The following USP15 variants were observed in gnomAD, a reference collection of about 807,000 sequenced individuals.
The protein encoded by USP15 is ubiquitin specific peptidase 15, also known as ubiquitin carboxyl-terminal hydrolase 15.
A neutral mutation model predicts 127.1 loss-of-function variants in USP15; 18 were observed. The ratio of observed to expected loss-of-function variants is 0.14; its 90% CI spans 0.10 to 0.21. The LOEUF (loss-of-function observed/expected upper bound fraction) is 0.21. Ranked by LOEUF, USP15 falls within the 10% of genes least tolerant of loss-of-function variation. USP15 has a pLI of 1.00. For synonymous variants in USP15, 364 were observed against 393.7 expected (o/e 0.92, Z 0.89); for missense variants, 805 against 1,159.9 (o/e 0.69, Z 4.44).
intron 8 of USP15, among the ~76,000 whole-genome samples, chr12:62,371,403 G>A (rs1265530777): frequency 1.3e-5 from 2 of 152,094 alleles, no homozygotes; most frequent in Non-Finnish European, 2.9e-5. Context: ...TGTTAGTATA[G>A]TACCAGATAA....
chr12:62,329,302 C>T (rs1375162799), intron 6 of USP15, among the ~76,000 whole-genome samples: 3 of 152,106 alleles, frequency 2.0e-5, no homozygotes, highest in Non-Finnish European at 4.4e-5. Context: ...ACCCAGGAGG[C>T]GGAGGTTTCC....
intron 3 of USP15, among the ~76,000 whole-genome samples, chr12:62,309,187 ATTGT>A (rs1313992932): frequency 6.6e-6 from 1 of 152,122 alleles, no homozygotes; most frequent in African/African-American, 2.4e-5. Flanking sequence ...TCCTGGCAGG[ATTGT>A]TTAAGAATAA....
At chr12:62,327,979 A>C (rs1444648615) in intron 6 of USP15, among the ~76,000 whole-genome samples, 1 of 152,204 alleles carries the variant, frequency 6.6e-6, no homozygotes, top group South Asian at 2.1e-4. Flanking sequence ...ATCTGCACCT[A>C]TGTATGAAAA....
chr12:62,345,138 C>A (rs1330139316), intron 6 of USP15, among the ~76,000 whole-genome samples: 2 of 152,172 alleles, frequency 1.3e-5, no homozygotes, highest in African/African-American at 4.8e-5. Flanking sequence ...GCTGCAAATT[C>A]TCCAACCTTT....
At chr12:62,370,822 TACATGTAACTTAAA>T (rs2066640177) in intron 8 of USP15, among the ~76,000 whole-genome samples, 1 of 152,202 alleles carries the variant, frequency 6.6e-6, no homozygotes, top group Non-Finnish European at 1.5e-5. Flanking sequence ...CAAGTTAAAC[TACATGTAACTTAAA>T]CTCAAGATGC....
intron 6 of USP15, among the ~76,000 whole-genome samples, chr12:62,331,633 C>T (rs2065305153): frequency 6.6e-6 from 1 of 152,116 alleles, no homozygotes; most frequent in African/African-American, 2.4e-5. Flanking sequence ...GCTCTGATGT[C>T]CTATTGTATT....
intron 2 of USP15, chr12:62,294,786 T>C (rs1284617376): frequency 6.4e-6 from 1 of 157,144 alleles, no homozygotes; most frequent in Non-Finnish European, 1.4e-5. Context: ...TCTACAACCC[T>C]CACTACTTGC....
intron 18 of USP15, among the ~76,000 whole-genome samples, chr12:62,392,616 TATTA>T (rs1196677087): frequency 3.9e-5 from 6 of 152,148 alleles, no homozygotes; most frequent in Admixed American, 3.9e-4. Context: ...GCCATTATAC[TATTA>T]ATTCATTTTA....
intron 1 of USP15, among the ~76,000 whole-genome samples, chr12:62,289,697 T>TTGTGTGTGTGTGTGTGTGTGTG (rs71450579): frequency 7.4e-6 from 1 of 135,430 alleles, no homozygotes; most frequent in Non-Finnish European, 1.6e-5. Flanking sequence ...GGTTGTTAAT[T>TTGTGTGTGTGTGTGTGTGTGTG]TGTGTGTGTG....
chr12:62,388,654 A>G (rs1448698572), intron 11 of USP15, among the ~76,000 whole-genome samples: 1 of 152,216 alleles, frequency 6.6e-6, no homozygotes, highest in Non-Finnish European at 1.5e-5. Flanking sequence ...CAAAGACATT[A>G]AAGGTTCGTG....
intron 6 of USP15, among the ~76,000 whole-genome samples, chr12:62,347,292 AGT>A (rs1329368305): frequency 4.0e-5 from 6 of 151,414 alleles, no homozygotes; most frequent in Admixed American, 2.0e-4. Flanking sequence ...AAAAGAAAAA[AGT>A]GTGTGTGTGT....
chr12:62,292,313 C>T lies in USP15; in HGVS notation c.90-1866C>T, dbSNP rs11174415. Among the ~76,000 whole-genome samples the T allele has an allele frequency of 2.2e-3, 329 of 152,332 alleles. 2 individuals carry two copies. Among genetic ancestry groups the T allele is most frequent in the African/African-American group, 7.8e-3 (325 of 41,578 alleles). On this transcript the variant is annotated intron_variant, in intron 1 of 21. Coordinates refer to ENST00000280377, the MANE Select transcript of USP15 (RefSeq NM_001252078.2). ...ATGTAGCCTAGAACTACAGGAGATG[C>T]TTGCCCCATGGCTTGACAGTACACT...
chr12:62,302,735 T>G, intron 2 of USP15, 55 bp from the exon 3 acceptor site: 1 of 1,525,306 alleles, frequency 6.6e-7, no homozygotes, highest in Admixed American at 2.0e-5. Flanking sequence ...TAATTTGTAA[T>G]GTGTCCAAAC....
intron 19 of USP15, among the ~76,000 whole-genome samples, chr12:62,394,779 G>A (rs2067432416): frequency 6.6e-6 from 1 of 151,870 alleles, no homozygotes. Flanking sequence ...AACCCAGGAG[G>A]CGGAGATTTC....
rs552385951 is a variant in USP15, at chr12:62,338,751, G to T, written c.684-10470G>T. The stretch of plus-strand genomic sequence containing the variant: ...AATCATTTCCCTATTGCTTGTATTT[G>T]TCAGGTTTGTGTAAGATCACATGGT... On this transcript the variant is annotated intron_variant, in intron 6 of 21. Coordinates refer to ENST00000280377, the MANE Select transcript of USP15 (RefSeq NM_001252078.2). Among the ~76,000 whole-genome samples the T allele has an allele frequency of 2.1e-4, 32 of 152,196 alleles. No individual in the cohort carries two copies. The East Asian group carries it at 5.6e-3, about 27-fold the overall frequency.
At chr12:62,330,381 G>A (rs2137321818) in intron 6 of USP15, among the ~76,000 whole-genome samples, 1 of 151,536 alleles carries the variant, frequency 6.6e-6, no homozygotes, top group Non-Finnish European at 1.5e-5. Flanking sequence ...TTGAGGTCAG[G>A]ATTTCAAAAC....
chr12:62,336,061 A>G, intron 6 of USP15: 1 of 984,968 alleles, frequency 1.0e-6, no homozygotes, highest in Non-Finnish European at 1.2e-6. Flanking sequence ...GGTGCAGTGC[A>G]GCTTCACTAA....
chr12:62,362,942 A>G (rs1306647709), intron 8 of USP15, among the ~76,000 whole-genome samples: 1 of 152,188 alleles, frequency 6.6e-6, no homozygotes, highest in African/African-American at 2.4e-5. Flanking sequence ...GTGAAGTTAG[A>G]AGGACCAAAA....
At chr12:62,348,835 A>C (rs1842871378) in intron 6 of USP15, among the ~76,000 whole-genome samples, 1 of 152,138 alleles carries the variant, frequency 6.6e-6, no homozygotes, top group Non-Finnish European at 1.5e-5. Flanking sequence ...AGTGTTGTAC[A>C]TAATTAGAAT....
Sources: allele counts gnomAD v4.1 joint callset (sites outside exome capture counted in the v4.1 genomes callset), GRCh38; gene constraint gnomAD v4.1.1; transcripts MANE v1.5; gene names NCBI Gene and HGNC (gene_info 2026-07-23, HGNC 2026-07-21).